Variants in LINC02747 observed in about 807,000 individuals in gnomAD.
The protein encoded by LINC02747 is long independently transcribed non-coding RNA 2747.
At chr11:69,479,590 C>T (rs1857029194) in intron 1 of LINC02747, 1 of 152,212 alleles carries the variant, frequency 6.6e-6, no homozygotes, top group Non-Finnish European at 1.5e-5. Flanking sequence ...CTTCTCCTCT[C>T]CTCCTTGCCT....
chr11:69,476,499 GCCCAT>G (rs1442993375), exon 2 of LINC02747: 4 of 151,974 alleles, frequency 2.6e-5, no homozygotes, highest in African/African-American at 4.8e-5. Flanking sequence ...CCGATCACAG[GCCCAT>G]CCAAGTGGGG....
At chr11:69,476,764 G>A (rs1003129485) in exon 2 of LINC02747, 2 of 152,220 alleles carry the variant, frequency 1.3e-5, no homozygotes, top group African/African-American at 2.4e-5. Context: ...AGGACAAAGG[G>A]TCCCTCTAGG....
At chr11:69,476,648 G>T (rs925420621) in exon 2 of LINC02747, 1 of 152,166 alleles carries the variant, frequency 6.6e-6, no homozygotes, top group Non-Finnish European at 1.5e-5. Flanking sequence ...ACAGGGGGTC[G>T]TGGGCCTGTC....
chr11:69,480,611 T>C (rs1486975147), intron 1 of LINC02747, among the ~76,000 whole-genome samples: 2 of 152,164 alleles, frequency 1.3e-5, no homozygotes, highest in Non-Finnish European at 2.9e-5. Context: ...TCAACCCTCT[T>C]CTCTGTGAAA....
chr11:69,476,334 C>T (rs985759752), exon 2 of LINC02747: 4 of 152,198 alleles, frequency 2.6e-5, no homozygotes, highest in Non-Finnish European at 5.9e-5. Context: ...CTGCCTGGCC[C>T]CTCCTAGGCA....
At chr11:69,480,459 A>T (rs907024946) in intron 1 of LINC02747, among the ~76,000 whole-genome samples, 4 of 152,192 alleles carry the variant, frequency 2.6e-5, no homozygotes, top group African/African-American at 9.7e-5. Context: ...CTGGAAAAAA[A>T]ATTGCTCAGA....
At chr11:69,478,877 C>T (rs1269222689) in intron 1 of LINC02747, among the ~76,000 whole-genome samples, 1 of 149,672 alleles carries the variant, frequency 6.7e-6, no homozygotes, top group East Asian at 2.0e-4. Context: ...AAAAAAGAAA[C>T]CAGCAATCAG....
chr11:69,480,398 A>AC (rs1857038304), intron 1 of LINC02747, among the ~76,000 whole-genome samples: 1 of 152,184 alleles, frequency 6.6e-6, no homozygotes, highest in African/African-American at 2.4e-5. Flanking sequence ...TGCAGACGTC[A>AC]CGGGCACCCA....
At chr11:69,475,943 T>C (rs1306595974) in exon 2 of LINC02747, 1 of 152,274 alleles carries the variant, frequency 6.6e-6, no homozygotes, top group Non-Finnish European at 1.5e-5. Flanking sequence ...CAGGCTCTAA[T>C]GCACCCAAAC....
chr11:69,477,539 G>C (rs1018260574), exon 2 of LINC02747: 1 of 152,222 alleles, frequency 6.6e-6, no homozygotes, highest in Non-Finnish European at 1.5e-5. Context: ...ATGGCAGCAC[G>C]GTGTCATCTC....
At chr11:69,479,276 A>AAGAG (rs1322668958) in intron 1 of LINC02747, among the ~76,000 whole-genome samples, 1 of 147,300 alleles carries the variant, frequency 6.8e-6, no homozygotes, top group Non-Finnish European at 1.5e-5. Flanking sequence ...AAAAAAAAAA[A>AAGAG]AGAGAGAGAG....
exon 2 of LINC02747, chr11:69,476,646 T>C (rs1375042995): frequency 6.6e-6 from 1 of 151,392 alleles, no homozygotes; most frequent in East Asian, 2.0e-4. Flanking sequence ...ATACAGGGGG[T>C]CGTGGGCCTG....
intron 1 of LINC02747, among the ~76,000 whole-genome samples, chr11:69,479,210 G>A (rs1334395445): frequency 1.3e-4 from 18 of 141,422 alleles, no homozygotes; most frequent in East Asian, 6.3e-4. Flanking sequence ...AGCCAAGATC[G>A]CGCCACTGCC....
At chr11:69,476,697 G>A (rs1050560425) in exon 2 of LINC02747, 1 of 152,230 alleles carries the variant, frequency 6.6e-6, no homozygotes, top group Non-Finnish European at 1.5e-5. Context: ...GATAAAACCT[G>A]TCCCTCCAAA....
At chr11:69,479,381 A>C (rs188438767) in intron 1 of LINC02747, among the ~76,000 whole-genome samples, 22 of 152,172 alleles carry the variant, frequency 1.4e-4, no homozygotes, top group Non-Finnish European at 2.8e-4. Context: ...CAGTGTCAGC[A>C]TGTGAGCTCT....
exon 2 of LINC02747, chr11:69,477,015 G>C (rs1218128502): frequency 6.6e-6 from 1 of 152,264 alleles, no homozygotes; most frequent in Non-Finnish European, 1.5e-5. Flanking sequence ...GAAATAAAAG[G>C]ATCCCTCTGA....
chr11:69,478,479 G>A (rs2134961669), intron 1 of LINC02747, among the ~76,000 whole-genome samples: 1 of 152,296 alleles, frequency 6.6e-6, no homozygotes, highest in South Asian at 2.1e-4. Flanking sequence ...CCTCTGCTCA[G>A]GGCTGGGCTG....
At chr11:69,476,415 G>A (rs1359938330) in exon 2 of LINC02747, 1 of 152,160 alleles carries the variant, frequency 6.6e-6, no homozygotes, top group Non-Finnish European at 1.5e-5. Context: ...GTGGGTGGTC[G>A]GGAGCACGTG....
intron 1 of LINC02747, among the ~76,000 whole-genome samples, chr11:69,478,345 T>C (rs1396521389): frequency 6.6e-6 from 1 of 150,806 alleles, no homozygotes; most frequent in Non-Finnish European, 1.5e-5. Context: ...GGGATCGGAG[T>C]CCCCACCCCT....
Sources: allele counts gnomAD v4.1 joint callset (sites outside exome capture counted in the v4.1 genomes callset), GRCh38; gene constraint gnomAD v4.1.1; transcripts MANE v1.5; gene names NCBI Gene and HGNC (gene_info 2026-07-23, HGNC 2026-07-21).